The following FREM1 variants were observed in gnomAD, a reference collection of about 807,000 sequenced individuals.
The protein encoded by FREM1 is FRAS1-related extracellular matrix protein 1.
FREM1 carries 220 observed loss-of-function variants against 210.1 expected under a neutral mutation model. That is an observed-to-expected ratio of 1.05 (90% confidence interval 0.94 to 1.17). FREM1 has a LOEUF of 1.17. Ranked by LOEUF, FREM1 falls within the 50% of genes most tolerant of loss-of-function variation. FREM1 has a pLI of 0.00. For missense variants in FREM1, 3,454 were observed against 2,675.5 expected (o/e 1.29, Z -6.42); for synonymous variants, 1,189 against 980.2 (o/e 1.21, Z -3.98).
At chr9:14,737,749 C>A (rs1046846922) in intron 36 of FREM1, among the ~76,000 whole-genome samples, 154 bp from the exon 37 acceptor site, 3 of 152,114 alleles carry the variant, frequency 2.0e-5, no homozygotes, top group Non-Finnish European at 4.4e-5. Flanking sequence ...AAGACACAAA[C>A]GGTCAAACAA....
chr9:14,890,856 A>G (rs1836694602), intron 1 of FREM1, among the ~76,000 whole-genome samples: 1 of 152,208 alleles, frequency 6.6e-6, no homozygotes, highest in African/African-American at 2.4e-5. Context: ...AGCCTCTTAA[A>G]CCATCAAAAA....
chr9:14,840,573 A>G (rs1165477555), intron 10 of FREM1, among the ~76,000 whole-genome samples: 2 of 152,206 alleles, frequency 1.3e-5, no homozygotes, highest in Non-Finnish European at 2.9e-5. Context: ...TATCATGAGA[A>G]CAGCACAGGA....
chr9:14,748,967 C>T (rs986270750), intron 30 of FREM1, among the ~76,000 whole-genome samples: 1 of 152,184 alleles, frequency 6.6e-6, no homozygotes, highest in Non-Finnish European at 1.5e-5. Context: ...TATTCCCCAA[C>T]ATAAAAGTTT....
At position 14,863,706 on chromosome 9, in the gene FREM1, C is replaced by G. The variant is rs1830991220; in HGVS notation, c.329+103G>C. On this transcript the variant is annotated intron_variant, in intron 3 of 36. Transcript: ENST00000380880. ...TGTTGATTACTTTCTTGTCTGGAAT[C>G]TATTAACTCCCCTCATGACAATACA... The G allele has an allele frequency of 9.0e-6, 6 of 668,950 alleles. No homozygotes were observed. The East Asian group carries it at 1.6e-4, about 18-fold the overall frequency. 41.4% of individuals were successfully genotyped at this position (668,950 alleles called of 1,614,324 possible). A position where few individuals can be genotyped will look rare whatever the true frequency, so the allele number is the denominator to read the frequency against.
At chr9:14,830,304 A>T (rs1371595576) in intron 10 of FREM1, among the ~76,000 whole-genome samples, 4 of 152,158 alleles carry the variant, frequency 2.6e-5, no homozygotes, top group African/African-American at 9.7e-5. Context: ...TTATCACTTC[A>T]TATTCTGATT....
chr9:14,802,548 T>C (rs192361465), intron 19 of FREM1, among the ~76,000 whole-genome samples: 2 of 152,354 alleles, frequency 1.3e-5, no homozygotes, highest in African/African-American at 4.8e-5. Context: ...TCAGGTTTCA[T>C]AATCCTTTAA....
Position 14,857,587 on chromosome 9 carries a change from T to G in FREM1, c.794A>C (p.Asp265Ala). ...PNIDYISIQLDLTDTRSKIVY... is the reference protein window; with the variant it reads ...PNIDYISIQLALTDTRSKIVY... ...AATTTTGCTCCTGGTATCTGTGAGGTCCAGTTGGATGGAGATATAATCAAT... is the reference window on the plus strand; with the variant it reads ...AATTTTGCTCCTGGTATCTGTGAGGGCCAGTTGGATGGAGATATAATCAAT... The change falls in exon 5 of 37, where the codon GAC (aspartate) becomes GCC (alanine). Residue 265 changes from aspartate (D) to alanine (A), a missense_variant. By Grantham distance (126) the Asp-to-Ala change is moderately radical (BLOSUM62 -2). Transcript: ENST00000380880. 1 of 1,613,734 alleles carries G rather than the reference T, an allele frequency of 6.2e-7. No individual in the cohort carries two copies. Among genetic ancestry groups the G allele is most frequent in the Non-Finnish European group, 8.5e-7 (1 of 1,179,860 alleles).
At chr9:14,806,284 C>A in intron 18 of FREM1, among the ~76,000 whole-genome samples, 1 of 30,924 alleles carries the variant, frequency 3.2e-5, no homozygotes, top group African/African-American at 7.9e-5. Flanking sequence ...GACGGAGTTT[C>A]CGCTCCTGCT....
intron 10 of FREM1, among the ~76,000 whole-genome samples, chr9:14,840,846 A>C (rs1438526260): frequency 6.6e-6 from 1 of 152,196 alleles, no homozygotes; most frequent in Non-Finnish European, 1.5e-5. Flanking sequence ...TGTTTGCTTA[A>C]ACTTCTTTCT....
At chr9:14,813,402 A>G (rs563480771) in intron 15 of FREM1, among the ~76,000 whole-genome samples, 22 of 152,314 alleles carry the variant, frequency 1.4e-4, no homozygotes, top group Admixed American at 7.8e-4. Flanking sequence ...CATTAAACTC[A>G]CACATATTCC....
chr9:14,810,476 G>T (rs931902897), intron 16 of FREM1, among the ~76,000 whole-genome samples: 1 of 152,086 alleles, frequency 6.6e-6, no homozygotes, highest in Non-Finnish European at 1.5e-5. Context: ...AGGGAAGACA[G>T]GGTCTCACTC....
At chr9:14,852,493 G>C (rs2779497) in intron 5 of FREM1, among the ~76,000 whole-genome samples, 99,451 of 152,016 alleles carry the variant, frequency 0.65, 34,837 homozygotes, top group East Asian at 0.83. Flanking sequence ...TTTGAGACCA[G>C]CCTAGGCAAC....
At chr9:14,875,686 T>C (rs1310007324) in intron 1 of FREM1, among the ~76,000 whole-genome samples, 2 of 152,254 alleles carry the variant, frequency 1.3e-5, no homozygotes, top group Non-Finnish European at 2.9e-5. Context: ...GTCAAAGTCA[T>C]TCTCCATCCA....
At chr9:14,766,969 T>C (rs572062217) in intron 27 of FREM1, among the ~76,000 whole-genome samples, 1 of 152,348 alleles carries the variant, frequency 6.6e-6, no homozygotes, top group South Asian at 2.1e-4. Context: ...ATGAATTAAC[T>C]ACAACAGTAA....
chr9:14,845,960 C>T lies in FREM1; in HGVS notation c.1393G>A (p.Gly465Arg). Reference protein sequence around the residue: ...GLQHGWLTLRGGKGFLFTVAD... With the variant: ...GLQHGWLTLRRGKGFLFTVAD... ...TAGGTTACCAAGTTGGATCATTCAC[C>T]TCTTAAAGTCAGCCATCCATGCTGC... The change falls in exon 8 of 37, where the codon GGG becomes AGG. Residue 465 changes from glycine to arginine, a missense_variant and splice_region_variant. Physicochemically the swap from Gly to Arg is moderately radical, Grantham distance 125. Coordinates refer to ENST00000380880, the MANE Select transcript of FREM1 (RefSeq NM_001379081.2). The T allele has an allele frequency of 6.2e-7, 1 of 1,613,426 alleles. No homozygotes were observed. Among genetic ancestry groups the T allele is most frequent in the South Asian group, 1.1e-5 (1 of 91,000 alleles).
chr9:14,756,177 T>A (rs1844311739), intron 29 of FREM1, among the ~76,000 whole-genome samples, 197 bp downstream of exon 29: 1 of 152,176 alleles, frequency 6.6e-6, no homozygotes, highest in African/African-American at 2.4e-5. Context: ...TCAAAATTCA[T>A]TTGTTACTAA....
chr9:14,765,044 C>A (rs1037282160), intron 27 of FREM1, among the ~76,000 whole-genome samples: 2 of 152,178 alleles, frequency 1.3e-5, no homozygotes, highest in African/African-American at 4.8e-5. Context: ...TTTTGAGCTT[C>A]TCAGCAAAAG....
At chr9:14,779,476 G>A (rs143018861) in intron 24 of FREM1, 1 of 985,194 alleles carries the variant, frequency 1.0e-6, no homozygotes, top group South Asian at 4.7e-5. Context: ...GAGTGCCAGG[G>A]ACTCCATCAG....
At chr9:14,748,360 T>A (rs373998518) in intron 31 of FREM1, 41 bp downstream of exon 31, 42 of 1,074,268 alleles carry the variant, frequency 3.9e-5, no homozygotes, top group Non-Finnish European at 5.6e-5. Flanking sequence ...CCTTTTAATA[T>A]GTATTTTGCA....
Sources: allele counts gnomAD v4.1 joint callset (sites outside exome capture counted in the v4.1 genomes callset), GRCh38; gene constraint gnomAD v4.1.1; transcripts MANE v1.5; gene names NCBI Gene and HGNC (gene_info 2026-07-23, HGNC 2026-07-21).